Variants in ATXN7 observed in about 807,000 individuals in gnomAD.
The protein encoded by ATXN7 is ataxin-7.
Under a neutral mutation model 70.5 loss-of-function variants are expected in ATXN7, and 12 were observed. The observed-to-expected ratio is 0.17, with a 90% CI of 0.11 to 0.28. The LOEUF is 0.28. Among genes scored for constraint, ATXN7 ranks in the 10% least tolerant of loss-of-function variants. The probability of loss-of-function intolerance (pLI) is 1.00; values close to 1 mark genes in which losing one functional copy is unlikely to be tolerated. For missense variants in ATXN7, 1,256 were observed against 1,131.7 expected (o/e 1.11, Z -1.58); for synonymous variants, 498 against 448.7 (o/e 1.11, Z -1.39).
chr3:63,873,324 G>A (rs1702650642), intron 1 of ATXN7, among the ~76,000 whole-genome samples: 1 of 152,150 alleles, frequency 6.6e-6, no homozygotes, highest in Non-Finnish European at 1.5e-5. Context: ...AAAGAATCAG[G>A]CTTCAGAGTG....
chr3:63,973,752 C>G (rs1412523203), intron 5 of ATXN7, among the ~76,000 whole-genome samples: 1 of 151,958 alleles, frequency 6.6e-6, no homozygotes, highest in Non-Finnish European at 1.5e-5. Flanking sequence ...AAACGGCTTT[C>G]AAGCAGAGAG....
chr3:63,953,191 A>G (rs941116739), intron 5 of ATXN7, among the ~76,000 whole-genome samples: 5 of 152,212 alleles, frequency 3.3e-5, no homozygotes, highest in African/African-American at 9.6e-5. Flanking sequence ...TACTACTACA[A>G]ATGCAAGCTT....
At chr3:63,903,764 G>A (rs775594293) in intron 2 of ATXN7, 1 of 152,182 alleles carries the variant, frequency 6.6e-6, no homozygotes, top group African/African-American at 2.4e-5. Flanking sequence ...GTTAGGTGGT[G>A]GCAGAGATGG....
intron 5 of ATXN7, among the ~76,000 whole-genome samples, chr3:63,976,648 C>T (rs1254147075): frequency 2.6e-5 from 4 of 151,972 alleles, no homozygotes; most frequent in Admixed American, 2.0e-4. Context: ...CCAAAGAAAA[C>T]GGGGAGGATG....
rs2075833316 is a variant in ATXN7 at position 64,001,544 on chromosome 3, T to C, written c.*2077T>C. ...CAATGGAATTTACAGATCGATCATGTTGTTCCGAAAGATGTGAATAGGATC... is the reference window on the plus strand; with the variant it reads ...CAATGGAATTTACAGATCGATCATGCTGTTCCGAAAGATGTGAATAGGATC... On this transcript the variant is annotated 3_prime_UTR_variant, in exon 13 of 13. Transcript: ENST00000674280. The C allele has an allele frequency of 6.6e-6, 1 of 152,236 alleles. No individual in the cohort carries two copies. 9.4% of individuals were successfully genotyped at this position (152,236 alleles called of 1,614,324 possible).
chr3:63,983,664 A>G (rs2106765100), intron 8 of ATXN7, among the ~76,000 whole-genome samples: 1 of 152,256 alleles, frequency 6.6e-6, no homozygotes, highest in Admixed American at 6.5e-5. Flanking sequence ...TATACAAGCT[A>G]AGAAAATGTA....
At chr3:63,991,300 T>G (rs1333486985) in intron 11 of ATXN7, among the ~76,000 whole-genome samples, 1 of 94,054 alleles carries the variant, frequency 1.1e-5, no homozygotes, top group Non-Finnish European at 2.0e-5. Context: ...CCACCCCTGG[T>G]TTTTTTTTTG....
At chr3:63,991,622 G>C (rs576597862) in intron 11 of ATXN7, among the ~76,000 whole-genome samples, 34 of 152,194 alleles carry the variant, frequency 2.2e-4, no homozygotes, top group Admixed American at 6.5e-4. Flanking sequence ...CACAGTACAA[G>C]GATGAGGTCC....
In ATXN7 at chr3:63,982,867, T is replaced by C; in HGVS notation, c.1013-72T>C. ...AATTTATCTAACTGTTGATTTCTTC[T>C]ATTTTCTTGCTTAAAAAATACATGG... On this transcript the variant is annotated intron_variant, in intron 7 of 12. Transcript: ENST00000674280. 8 of 1,166,946 alleles carry C rather than the reference T, an allele frequency of 6.9e-6. No individual in the cohort carries two copies. In the South Asian group the frequency reaches 1.0e-4, roughly 15 times the overall value. 72.3% of individuals were successfully genotyped at this position (1,166,946 alleles called of 1,614,324 possible).
intron 5 of ATXN7, among the ~76,000 whole-genome samples, chr3:63,974,626 A>C (rs554583813): frequency 1.3e-5 from 2 of 152,320 alleles, no homozygotes; most frequent in Admixed American, 1.3e-4. Context: ...AATAGTATCT[A>C]CTTTGTTAGA....
At chr3:63,939,736 A>G (rs79480023) in intron 4 of ATXN7, among the ~76,000 whole-genome samples, 1 of 151,906 alleles carries the variant, frequency 6.6e-6, no homozygotes, top group African/African-American at 2.4e-5. Flanking sequence ...CTCCTCCCCA[A>G]CTCCACAGTA....
intron 2 of ATXN7, chr3:63,902,077 C>A (rs1703663329): frequency 6.6e-6 from 1 of 152,100 alleles, no homozygotes; most frequent in Non-Finnish European, 1.5e-5. Context: ...GGTTGTACTA[C>A]ACTGTGAATG....
chr3:63,993,555 A>T (rs2075708013), intron 11 of ATXN7, among the ~76,000 whole-genome samples: 1 of 151,970 alleles, frequency 6.6e-6, no homozygotes, highest in East Asian at 1.9e-4. Flanking sequence ...AGACATTTTT[A>T]TTATTTTTTA....
intron 5 of ATXN7, among the ~76,000 whole-genome samples, chr3:63,973,062 A>G (rs375273649): frequency 6.6e-5 from 10 of 152,164 alleles, no homozygotes; most frequent in East Asian, 3.9e-4. Flanking sequence ...GCAGCCCTGC[A>G]AAGTAGGCTT....
chr3:63,998,073 A>G (rs2075788574), intron 12 of ATXN7: 3 of 985,384 alleles, frequency 3.0e-6, no homozygotes, highest in Non-Finnish European at 2.4e-6. Context: ...TGAGAGAGAC[A>G]TGATCCCCAC....
At chr3:63,980,356 A>G (rs1252605983) in intron 6 of ATXN7, 189 bp downstream of exon 6, 3 of 719,672 alleles carry the variant, frequency 4.2e-6, no homozygotes, top group Non-Finnish European at 6.7e-6. Flanking sequence ...TAGTAATAGC[A>G]GTGATAATAA....
intron 5 of ATXN7, among the ~76,000 whole-genome samples, chr3:63,979,033 T>C (rs2075439190): frequency 6.6e-6 from 1 of 152,216 alleles, no homozygotes; most frequent in Non-Finnish European, 1.5e-5. Flanking sequence ...GCCACTAAGG[T>C]ACTCAAGCGG....
chr3:63,915,550 G>T (rs1704228458), intron 4 of ATXN7, among the ~76,000 whole-genome samples: 1 of 152,110 alleles, frequency 6.6e-6, no homozygotes. Flanking sequence ...TTCATTGTCT[G>T]CTTAAAATTA....
chr3:63,940,401 G>A (rs1166337146), intron 4 of ATXN7, among the ~76,000 whole-genome samples: 1 of 151,798 alleles, frequency 6.6e-6, no homozygotes, highest in African/African-American at 2.4e-5. Flanking sequence ...GTAAAGACAG[G>A]TCAGTAGCCA....
Sources: allele counts gnomAD v4.1 joint callset (sites outside exome capture counted in the v4.1 genomes callset), GRCh38; gene constraint gnomAD v4.1.1; transcripts MANE v1.5; gene names NCBI Gene and HGNC (gene_info 2026-07-23, HGNC 2026-07-21).